Variants in MBNL2 observed in about 807,000 individuals in gnomAD.
MBNL2 encodes the protein muscleblind-like protein 2.
In MBNL2, 17 loss-of-function variants were observed where a neutral mutation model predicts 41.9. The ratio of observed to expected loss-of-function variants is 0.41; its 90% CI spans 0.28 to 0.61. MBNL2 has a LOEUF of 0.61. MBNL2 is among the 20% of genes least tolerant of loss of function. The pLI is 0.35. For synonymous variants in MBNL2, 195 were observed against 182.9 expected (o/e 1.07, Z -0.53); for missense variants, 336 against 505.6 (o/e 0.66, Z 3.22).
At chr13:97,220,515 G>T (rs1378094085), upstream of MBNL2, among the ~76,000 whole-genome samples, 1 of 152,198 alleles carries the variant, frequency 6.6e-6, no homozygotes, top group Non-Finnish European at 1.5e-5. Flanking sequence ...AAGTTGAGTT[G>T]AAAGGGAGAG....
chr13:97,368,604 CCATGTGTCAT>C (rs1267906801), intron 8 of MBNL2, among the ~76,000 whole-genome samples: 1 of 118,860 alleles, frequency 8.4e-6, no homozygotes, highest in African/African-American at 3.0e-5. Flanking sequence ...AAATATTTGA[CCATGTGTCAT>C]ATATATTGTT....
At chr13:97,166,924 G>T in the MBNL2 span, among the ~76,000 whole-genome samples, 2 of 151,976 alleles carry the variant, frequency 1.3e-5, no homozygotes, top group Admixed American at 6.6e-5. Flanking sequence ...CCAATTCTGG[G>T]TAATTCTGAT....
chr13:97,290,704 A>G (rs1005419225), intron 2 of MBNL2, among the ~76,000 whole-genome samples: 1 of 149,190 alleles, frequency 6.7e-6, no homozygotes, highest in African/African-American at 2.5e-5. Context: ...AAAAAAAAGA[A>G]AGAAACAGCC....
At chr13:97,287,918 G>GTTTTTTTTTTTTTTTTTTTTTT (rs11423615) in intron 2 of MBNL2, among the ~76,000 whole-genome samples, 1 of 124,628 alleles carries the variant, frequency 8.0e-6, no homozygotes, top group African/African-American at 3.5e-5. Flanking sequence ...CTAATTTTCT[G>GTTTTTTTTTTTTTTTTTTTTTT]TTTTTTTTTT....
At chr13:97,351,143 T>C (rs1396260539) in intron 5 of MBNL2, among the ~76,000 whole-genome samples, 1 of 152,186 alleles carries the variant, frequency 6.6e-6, no homozygotes, top group East Asian at 1.9e-4. Context: ...AGCCCTTGGG[T>C]GATCAGGTGC....
chr13:97,296,995 G>A (rs1278572930), intron 2 of MBNL2, among the ~76,000 whole-genome samples: 1 of 152,210 alleles, frequency 6.6e-6, no homozygotes, highest in East Asian at 1.9e-4. Context: ...CAAGGCTCTT[G>A]TCTGTGGCCC....
the MBNL2 span, among the ~76,000 whole-genome samples, chr13:97,198,055 T>C: frequency 6.6e-6 from 1 of 152,202 alleles, no homozygotes; most frequent in Non-Finnish European, 1.5e-5. Context: ...GACTGGGCCA[T>C]GAGATGCCCA....
At chr13:97,222,693 AAAAG>A (rs1337767791) in intron 1 of MBNL2, among the ~76,000 whole-genome samples, 162 bp downstream of exon 1, 7 of 152,338 alleles carry the variant, frequency 4.6e-5, no homozygotes, top group African/African-American at 1.7e-4. Flanking sequence ...TGATTTGAGA[AAAAG>A]AAATGGCAAA....
chr13:97,284,260 C>G (rs998510473), intron 2 of MBNL2, among the ~76,000 whole-genome samples: 1 of 152,128 alleles, frequency 6.6e-6, no homozygotes, highest in Non-Finnish European at 1.5e-5. Context: ...TTAAGGGCCA[C>G]GCTCCCTCTG....
intron 2 of MBNL2, among the ~76,000 whole-genome samples, chr13:97,314,233 C>T (rs2058846471): frequency 6.6e-6 from 1 of 152,174 alleles, no homozygotes; most frequent in Admixed American, 6.5e-5. Context: ...TTTCCTCACT[C>T]CTCTCCCCAG....
chr13:97,362,178 A>G (rs1158041696), intron 7 of MBNL2, among the ~76,000 whole-genome samples: 1 of 152,144 alleles, frequency 6.6e-6, no homozygotes, highest in African/African-American at 2.4e-5. Flanking sequence ...TTTGGATTAC[A>G]TTAACAGTTG....
the MBNL2 span, among the ~76,000 whole-genome samples, chr13:97,162,157 C>T: frequency 2.1e-3 from 326 of 152,224 alleles, 8 homozygotes; most frequent in East Asian, 0.056. Flanking sequence ...CTCACTCTCA[C>T]GAGAATAGCA....
At position 97,391,373 on chromosome 13, in the gene MBNL2, T is replaced by C. The variant is rs1303370140; in HGVS notation, c.1100T>C (p.Leu367Ser). 1.9e-6 allele frequency: 3 copies of C among 1,579,212 alleles called. No homozygotes were observed. Among genetic ancestry groups the C allele is most frequent in the Non-Finnish European group, 2.6e-6 (3 of 1,148,506 alleles). Residue 367 changes from leucine (L) to serine (S), a missense_variant, in exon 9 of 9, where the codon TTG becomes TCG. Transcript: ENST00000679496. ...GGAATGGAATGCCAAGAATCTGCAT[T>C]GAGAATAACTAAACATTGTTACTGT... Reference protein sequence around the residue: ...RNGMECQESALRITKHCYCTY... With the variant: ...RNGMECQESASRITKHCYCTY...
At chr13:97,389,831 C>T (rs7333984) in intron 8 of MBNL2, among the ~76,000 whole-genome samples, 1,657 of 151,540 alleles carry the variant, frequency 0.011, 37 homozygotes, top group African/African-American at 0.038. Flanking sequence ...GACTAGGGTG[C>T]GTTCTTATTT....
intron 2 of MBNL2, among the ~76,000 whole-genome samples, chr13:97,305,945 A>G (rs1309949948): frequency 6.6e-6 from 1 of 152,178 alleles, no homozygotes; most frequent in African/African-American, 2.4e-5. Context: ...AAAAAAGGGA[A>G]CAGAACAAAT....
the MBNL2 span, among the ~76,000 whole-genome samples, chr13:97,189,721 G>GT: frequency 4.6e-5 from 7 of 152,188 alleles, no homozygotes; most frequent in African/African-American, 1.7e-4. Flanking sequence ...ACACATACAT[G>GT]TTTTGGTCTT....
the MBNL2 span, among the ~76,000 whole-genome samples, chr13:97,149,569 C>G: frequency 6.6e-6 from 1 of 152,240 alleles, no homozygotes; most frequent in African/African-American, 2.4e-5. Context: ...GGGCTAAGAG[C>G]TTTGCCTCCT....
At chr13:97,163,864 C>T in the MBNL2 span, among the ~76,000 whole-genome samples, 1 of 152,114 alleles carries the variant, frequency 6.6e-6, no homozygotes, top group African/African-American at 2.4e-5. Context: ...GCTCACATGA[C>T]CACAGAGGCA....
chr13:97,349,096 T>A (rs1212049218), intron 5 of MBNL2, among the ~76,000 whole-genome samples: 1 of 152,236 alleles, frequency 6.6e-6, no homozygotes, highest in African/African-American at 2.4e-5. Context: ...CCCTTTAGTG[T>A]CCTTTCCTCT....
Sources: gnomAD v4.1 joint callset for allele counts (sites outside exome capture counted in the v4.1 genomes callset) on GRCh38, gnomAD v4.1.1 for gene constraint, MANE v1.5 for transcripts, NCBI Gene and HGNC (gene_info 2026-07-23, HGNC 2026-07-21) for gene names.